Variants in ITPR2 observed in about 807,000 individuals in gnomAD.
ITPR2 encodes the protein inositol 1,4,5-trisphosphate-gated calcium channel ITPR2.
A neutral mutation model predicts 317.1 loss-of-function variants in ITPR2; 207 were observed. The ratio of observed to expected loss-of-function variants is 0.65; its 90% CI spans 0.58 to 0.73. The LOEUF (loss-of-function observed/expected upper bound fraction) is 0.73. Ranked by LOEUF, ITPR2 falls within the 30% of genes least tolerant of loss-of-function variation. The pLI, the probability that ITPR2 is intolerant of heterozygous loss-of-function variation, is 0.00. For missense variants in ITPR2, 2,613 were observed against 3,284.0 expected (o/e 0.80, Z 4.99); for synonymous variants, 1,156 against 1,149.1 (o/e 1.01, Z -0.12).
chr12:26,713,245 C>T (rs902728087), intron 8 of ITPR2, among the ~76,000 whole-genome samples: 1 of 152,186 alleles, frequency 6.6e-6, no homozygotes, highest in Non-Finnish European at 1.5e-5. Context: ...CTCCCCAGCC[C>T]TTCCAATCAT....
intron 1 of ITPR2, 81 bp from the exon 2 acceptor site, chr12:26,790,308 T>A: frequency 9.2e-7 from 1 of 1,085,138 alleles, no homozygotes; most frequent in Non-Finnish European, 1.4e-6. Flanking sequence ...ATTGCATAAA[T>A]ATTTACCAAA....
intron 26 of ITPR2, among the ~76,000 whole-genome samples, chr12:26,618,351 A>G (rs1308833793): frequency 1.3e-5 from 2 of 152,220 alleles, no homozygotes; most frequent in African/African-American, 4.8e-5. Context: ...TAGTAAGTAC[A>G]CATGAATCGG....
intron 56 of ITPR2, 37 bp from the exon 57 acceptor site, chr12:26,339,520 TCTCA>T (rs1246525712): frequency 6.4e-7 from 1 of 1,571,580 alleles, no homozygotes; most frequent in Non-Finnish European, 8.8e-7. Flanking sequence ...CAGCGGATTT[TCTCA>T]CTCTTACCCA....
intron 2 of ITPR2, among the ~76,000 whole-genome samples, chr12:26,754,738 T>A (rs145406170): frequency 9.2e-5 from 14 of 152,302 alleles, no homozygotes; most frequent in African/African-American, 3.4e-4. Flanking sequence ...TTGGCTAAAG[T>A]TAAAGGGGTA....
At chr12:26,650,598 C>A (rs1238270406) in intron 21 of ITPR2, among the ~76,000 whole-genome samples, 3 of 152,012 alleles carry the variant, frequency 2.0e-5, no homozygotes, top group Non-Finnish European at 4.4e-5. Context: ...GAACCTAAAA[C>A]TGCTCTAAAA....
At chr12:26,667,030 G>T (rs1345007030) in intron 13 of ITPR2, among the ~76,000 whole-genome samples, 1 of 151,980 alleles carries the variant, frequency 6.6e-6, no homozygotes, top group Non-Finnish European at 1.5e-5. Context: ...ACTTTTTTTG[G>T]TATAGACAAA....
intron 2 of ITPR2, among the ~76,000 whole-genome samples, chr12:26,781,483 A>G (rs12581907): frequency 0.37 from 55,735 of 152,120 alleles, 12,696 homozygotes; most frequent in Non-Finnish European, 0.53. Context: ...ATGTAATAGT[A>G]TTTGGGCTGG....
At chr12:26,758,542 T>A (rs1338930333) in intron 2 of ITPR2, among the ~76,000 whole-genome samples, 1 of 152,238 alleles carries the variant, frequency 6.6e-6, no homozygotes, top group African/African-American at 2.4e-5. Context: ...TTTATAATGT[T>A]ACTGTTAAAA....
At chr12:26,409,241 T>G (rs1940459648) in intron 52 of ITPR2, among the ~76,000 whole-genome samples, 1 of 152,132 alleles carries the variant, frequency 6.6e-6, no homozygotes, top group African/African-American at 2.4e-5. Context: ...ATCAGTGCAT[T>G]CAGTACACGT....
At chr12:26,446,691 G>A (rs1476812425) in intron 45 of ITPR2, among the ~76,000 whole-genome samples, 1 of 128,674 alleles carries the variant, frequency 7.8e-6, no homozygotes, top group African/African-American at 2.9e-5. Context: ...TTCTGCATTT[G>A]TCTAGTTTTA....
chr12:26,417,900 T>A (rs2344157), intron 50 of ITPR2, among the ~76,000 whole-genome samples: 10,363 of 152,222 alleles, frequency 0.068, 384 homozygotes, highest in South Asian at 0.092. Flanking sequence ...GAATATTACA[T>A]GTCAGTCAGG....
chr12:26,635,287 T>C (rs1206760472), intron 21 of ITPR2, among the ~76,000 whole-genome samples: 2 of 152,242 alleles, frequency 1.3e-5, no homozygotes, highest in Non-Finnish European at 2.9e-5. Context: ...GTGTAAGAGA[T>C]TTAACAGAAT....
intron 55 of ITPR2, among the ~76,000 whole-genome samples, chr12:26,372,573 C>G (rs1421520390): frequency 6.6e-6 from 1 of 152,208 alleles, no homozygotes; most frequent in Non-Finnish European, 1.5e-5. Flanking sequence ...TAACACACAA[C>G]AGCACCCCTT....
intron 2 of ITPR2, among the ~76,000 whole-genome samples, chr12:26,776,897 T>G (rs1451714638): frequency 2.0e-5 from 3 of 152,134 alleles, no homozygotes; most frequent in Admixed American, 6.5e-5. Context: ...AGAGGTGAGG[T>G]TCACAGTGTG....
chr12:26,684,743 A>G (rs1187648241), intron 11 of ITPR2, among the ~76,000 whole-genome samples: 1 of 152,168 alleles, frequency 6.6e-6, no homozygotes, highest in Admixed American at 6.5e-5. Flanking sequence ...ACTTTCTAGT[A>G]AGACCCTTTT....
At chr12:26,683,603 T>C (rs181509994) in intron 11 of ITPR2, among the ~76,000 whole-genome samples, 2 of 152,354 alleles carry the variant, frequency 1.3e-5, no homozygotes, top group Non-Finnish European at 2.9e-5. Context: ...GAAGCACACA[T>C]AGAACAAGGC....
intron 21 of ITPR2, among the ~76,000 whole-genome samples, chr12:26,634,611 C>T (rs1439574394): frequency 6.6e-6 from 1 of 152,126 alleles, no homozygotes; most frequent in Non-Finnish European, 1.5e-5. Flanking sequence ...AAACGCCAGG[C>T]ACGGTGGCTC....
At position 26,655,573 on chromosome 12, in the gene ITPR2, C is replaced by T. The variant is rs935974266; in HGVS notation, c.2589+135G>A. 4 of 634,592 alleles carry T rather than the reference C, an allele frequency of 6.3e-6. No individual in the cohort carries two copies. In the African/African-American group the frequency reaches 7.7e-5, roughly 12 times the overall value. 39.3% of individuals were successfully genotyped at this position (634,592 alleles called of 1,614,324 possible). A position where few individuals can be genotyped will look rare whatever the true frequency, so the allele number is the denominator to read the frequency against. ...AGCTTGCAGTGAGCCGAGATCATGCCACTGCACTCCAGCCTGGGCGACCGA... is the reference window on the plus strand; with the variant it reads ...AGCTTGCAGTGAGCCGAGATCATGCTACTGCACTCCAGCCTGGGCGACCGA... On this transcript the variant is annotated intron_variant, in intron 20 of 56. Transcript: ENST00000381340.
intron 1 of ITPR2, among the ~76,000 whole-genome samples, chr12:26,823,401 T>C (rs1484742986): frequency 6.6e-6 from 1 of 152,222 alleles, no homozygotes. Flanking sequence ...CCACAGATCC[T>C]AGCCAAGAGT....
Sources: allele counts gnomAD v4.1 joint callset (sites outside exome capture counted in the v4.1 genomes callset), GRCh38; gene constraint gnomAD v4.1.1; transcripts MANE v1.5; gene names NCBI Gene and HGNC (gene_info 2026-07-23, HGNC 2026-07-21).